The following EGFL8 variants were observed in gnomAD, a reference collection of about 807,000 sequenced individuals.
The protein encoded by EGFL8 is epidermal growth factor-like protein 8.
EGFL8 carries 32 observed loss-of-function variants against 39.4 expected under a neutral mutation model. The observed-to-expected ratio is 0.81, with a 90% CI of 0.61 to 1.09. The LOEUF (loss-of-function observed/expected upper bound fraction) is 1.09, where lower values mean the gene tolerates loss of function less well. Ranked by LOEUF, EGFL8 falls within the 50% of genes least tolerant of loss-of-function variation. The pLI, the probability that EGFL8 is intolerant of heterozygous loss-of-function variation, is 0.00. For missense variants in EGFL8, 385 were observed against 402.2 expected, an observed-to-expected ratio of 0.96 and a Z score of 0.37; for synonymous variants, 177 against 168.5, an observed-to-expected ratio of 1.05 and a Z score of -0.39.
Position 32,167,269 on chromosome 6 carries a change from G to A in EGFL8, c.601+12G>A. On this transcript the variant is annotated intron_variant, in intron 6 of 8. Coordinates refer to ENST00000333845, the MANE Select transcript of EGFL8 (RefSeq NM_030652.4). This position sits in a 1 kb window ranked among gnomAD's most constrained non-coding sequence, Gnocchi z 6.4. The stretch of plus-strand genomic sequence containing the variant: ...ACTCAGCGTGGCCGGTGAGTGGGCA[G>A]GAGTACGGGCCACCCGAGGGACTCG... 1 of 1,610,510 alleles carries A rather than the reference G, an allele frequency of 6.2e-7. No individual in the cohort carries two copies. The highest frequency in any genetic ancestry group is 8.5e-7 in the Non-Finnish European group (1 of 1,178,780).
At chr6:32,165,950 C>T in intron 1 of EGFL8, 188 bp from the exon 2 acceptor site, 1 of 608,538 alleles carries the variant, frequency 1.6e-6, no homozygotes, top group Non-Finnish European at 3.0e-6. Context: ...CTGAAAGGAT[C>T]ATGATATGCT....
Position 32,167,441 on chromosome 6 carries a change from C to T in EGFL8, c.681+12C>T, listed in dbSNP as rs1784628451. ...AGCGGCTGGAGCAGGTGAGCCAAGCCTGCTGGGTGGGGCGAGGCCAGACGT... is the reference window on the plus strand; with the variant it reads ...AGCGGCTGGAGCAGGTGAGCCAAGCTTGCTGGGTGGGGCGAGGCCAGACGT... On this transcript the variant is annotated intron_variant, in intron 7 of 8. Coordinates refer to ENST00000333845, the MANE Select transcript of EGFL8 (RefSeq NM_030652.4). The surrounding 1 kb of genome is among the most constrained non-coding windows in gnomAD (Gnocchi z 6.4). 1 of 1,612,732 alleles carries T rather than the reference C, an allele frequency of 6.2e-7. No homozygotes were observed.
Position 32,168,025 on chromosome 6 carries a change from C to A in EGFL8, c.*69C>A. On this transcript the variant is annotated 3_prime_UTR_variant, in exon 9 of 9. Coordinates refer to ENST00000333845, the MANE Select transcript of EGFL8 (RefSeq NM_030652.4). This position sits in a 1 kb window ranked among gnomAD's most constrained non-coding sequence, Gnocchi z 4.5. ...GGACCCACTAATCCTCTGGGATTGG[C>A]CGACTGTGAGCTGCAGATAAGGCTA... The A allele has an allele frequency of 6.7e-7, 1 of 1,490,364 alleles. No homozygotes were observed. Among genetic ancestry groups the A allele is most frequent in the Non-Finnish European group, 9.4e-7 (1 of 1,068,394 alleles). The allele number at this position is 1,490,364 out of a possible 1,614,324, so 92.3% of individuals were successfully genotyped here.
Position 32,166,325 on chromosome 6 carries a change from G to A in EGFL8, c.101+59G>A. The A allele has an allele frequency of 6.2e-7, 1 of 1,600,274 alleles. No homozygotes were observed. Among genetic ancestry groups the A allele is most frequent in the Admixed American group, 1.7e-5 (1 of 59,848 alleles). On this transcript the variant is annotated intron_variant, in intron 2 of 8. Transcript: ENST00000333845. The surrounding 1 kb of genome is among the most constrained non-coding windows in gnomAD (Gnocchi z 7.3). ...TCTTCTCAGGAGCCTTCTGCTGGGG[G>A]TGGGGCTTCACAGGAGGCAAAACAT...
chr6:32,168,053 A>G lies in EGFL8; in HGVS notation c.*97A>G. ...ACTGTGAGCTGCAGATAAGGCTATCAGCCACCAAAGAGCAATGAACAATGG... is the reference window on the plus strand; with the variant it reads ...ACTGTGAGCTGCAGATAAGGCTATCGGCCACCAAAGAGCAATGAACAATGG... On this transcript the variant is annotated 3_prime_UTR_variant, in exon 9 of 9. Transcript: ENST00000333845. This position sits in a 1 kb window ranked among gnomAD's most constrained non-coding sequence, Gnocchi z 4.5. 1 of 1,242,438 alleles carries G rather than the reference A, an allele frequency of 8.0e-7. No homozygotes were observed. The highest frequency in any genetic ancestry group is 1.2e-6 in the Non-Finnish European group (1 of 846,930). 77.0% of individuals were successfully genotyped at this position (1,242,438 alleles called of 1,614,324 possible). A position where few individuals can be genotyped will look rare whatever the true frequency, so the allele number is the denominator to read the frequency against.
Position 32,166,018 on chromosome 6 carries a change from T to G in EGFL8, c.-28-120T>G. ...GTGTAGGCAATCCTGGTGGCTAGTA[T>G]GTAAAAGTGAATGTCCTGACTCCCT... On this transcript the variant is annotated intron_variant, in intron 1 of 8. Coordinates refer to ENST00000333845, the MANE Select transcript of EGFL8 (RefSeq NM_030652.4). This position sits in a 1 kb window ranked among gnomAD's most constrained non-coding sequence, Gnocchi z 7.3. 3 of 737,320 alleles carry G rather than the reference T, an allele frequency of 4.1e-6. 1 individual carries two copies. The highest frequency in any genetic ancestry group is 1.6e-5 in the South Asian group (1 of 63,948). The allele number at this position is 737,320 out of a possible 1,614,324, so 45.7% of individuals were successfully genotyped here. A position where few individuals can be genotyped will look rare whatever the true frequency, so the allele number is the denominator to read the frequency against.
chr6:32,164,701 C>T lies in EGFL8; in HGVS notation c.-29+44C>T. The T allele has an allele frequency of 1.4e-6, 1 of 712,540 alleles. No individual in the cohort carries two copies. The highest frequency in any genetic ancestry group is 2.6e-6 in the Non-Finnish European group (1 of 382,928). The allele number at this position is 712,540 out of a possible 1,614,324, so 44.1% of individuals were successfully genotyped here. A position where few individuals can be genotyped will look rare whatever the true frequency, so the allele number is the denominator to read the frequency against. On this transcript the variant is annotated intron_variant, in intron 1 of 8. Coordinates refer to ENST00000333845, the MANE Select transcript of EGFL8 (RefSeq NM_030652.4). This position sits in a 1 kb window ranked among gnomAD's most constrained non-coding sequence, Gnocchi z 5.4. ...AGGAAGGCAAGTGGGGAGAGAATTT[C>T]AAATGGGGAAAGAGTGGGGTTTACT...
At position 32,167,424 on chromosome 6, in the gene EGFL8, G is replaced by A; in HGVS notation, c.676G>A (p.Glu226Lys). 1 of 1,612,894 alleles carries A rather than the reference G, an allele frequency of 6.2e-7. No individual in the cohort carries two copies. The highest frequency in any genetic ancestry group is 8.5e-7 in the Non-Finnish European group (1 of 1,180,026). The change falls in exon 7 of 9, where the codon GAG becomes AAG. Residue 226 changes from glutamate (E) to lysine (K), a missense_variant. Glu to Lys is a moderately conservative substitution (Grantham distance 56, BLOSUM62 1). Coordinates refer to ENST00000333845, the MANE Select transcript of EGFL8 (RefSeq NM_030652.4). The surrounding 1 kb of genome is among the most constrained non-coding windows in gnomAD (Gnocchi z 6.4). ...HELRGRLERL[E>K]QWAGQAGAWV... is the part of the protein sequence containing the mutation. Reference sequence around the variant, plus strand: ...GCTGCGAGGGCGCCTGGAGCGGCTGGAGCAGGTGAGCCAAGCCTGCTGGGT... The same window carrying A: ...GCTGCGAGGGCGCCTGGAGCGGCTGAAGCAGGTGAGCCAAGCCTGCTGGGT...
chr6:32,167,319 T>C lies in EGFL8; in HGVS notation c.602-31T>C. The C allele has an allele frequency of 6.2e-7, 1 of 1,612,866 alleles. No individual in the cohort carries two copies. The highest frequency in any genetic ancestry group is 8.5e-7 in the Non-Finnish European group (1 of 1,179,964). The stretch of plus-strand genomic sequence containing the variant: ...GGGACGGGCGTCCGGGCTCGGGTAG[T>C]GGTCACACTCTTGGTCTCCTTTGTC... On this transcript the variant is annotated intron_variant, in intron 6 of 8. Transcript: ENST00000333845. The surrounding 1 kb of genome is among the most constrained non-coding windows in gnomAD (Gnocchi z 6.4).
Position 32,167,431 on chromosome 6 carries a change from T to C in EGFL8, c.681+2T>C. On this transcript the variant is annotated splice_donor_variant, in intron 7 of 8. Coordinates refer to ENST00000333845, the MANE Select transcript of EGFL8 (RefSeq NM_030652.4). LOFTEE classifies it high-confidence loss of function. This position sits in a 1 kb window ranked among gnomAD's most constrained non-coding sequence, Gnocchi z 6.4. ...GGGCGCCTGGAGCGGCTGGAGCAGG[T>C]GAGCCAAGCCTGCTGGGTGGGGCGA... 6.2e-7 allele frequency: 1 copy of C among 1,612,722 alleles called. No homozygotes were observed. The highest frequency in any genetic ancestry group is 8.5e-7 in the Non-Finnish European group (1 of 1,179,994).
intron 1 of EGFL8, chr6:32,165,848 G>A: frequency 2.1e-6 from 1 of 470,476 alleles, no homozygotes; most frequent in Non-Finnish European, 3.8e-6. Context: ...AGGGTTGACT[G>A]TGTGTCCCTC....
intron 1 of EGFL8, chr6:32,165,806 A>T: frequency 2.6e-6 from 1 of 391,552 alleles, no homozygotes; most frequent in Admixed American, 3.9e-5. Context: ...AACAAAAAAA[A>T]ACCCAAAAAA....
In EGFL8 at chr6:32,167,572, C is replaced by T; in HGVS notation, c.751C>T (p.Gln251Ter). The T allele has an allele frequency of 6.2e-7, 1 of 1,610,698 alleles. No individual in the cohort carries two copies. The highest frequency in any genetic ancestry group is 8.5e-7 in the Non-Finnish European group (1 of 1,179,952). ...PVPPEELQPE[Q>*]VAELWGRGDR... is the part of the protein sequence containing the mutation. The stretch of plus-strand genomic sequence containing the variant: ...GCCGCCTGAAGAGCTGCAGCCAGAA[C>T]AGGTGGCTGAGCTGTGGGGCCGGGG... The change falls in exon 8 of 9, where the codon CAG (glutamine) becomes TAG (stop). Residue 251 changes from glutamine (Q) to a stop codon, truncating the protein, a stop_gained. Transcript: ENST00000333845. LOFTEE classifies it high-confidence loss of function. This position sits in a 1 kb window ranked among gnomAD's most constrained non-coding sequence, Gnocchi z 6.4.
Sources: allele counts gnomAD v4.1 joint callset, GRCh38; gene constraint gnomAD v4.1.1; non-coding constraint Gnocchi (gnomAD v3.1); transcripts MANE v1.5; gene names NCBI Gene and HGNC (gene_info 2026-07-23, HGNC 2026-07-21).